The following CARD10 variants were observed in gnomAD, a reference collection of about 807,000 sequenced individuals.
CARD10 encodes the protein caspase recruitment domain-containing protein 10.
CARD10 carries 49 observed loss-of-function variants against 114.6 expected under a neutral mutation model. That is an observed-to-expected ratio of 0.43 (90% confidence interval 0.34 to 0.54). The LOEUF is 0.54. CARD10 is among the 20% of genes least tolerant of loss of function. The pLI is 0.03. For synonymous variants in CARD10, 602 were observed against 593.2 expected, an observed-to-expected ratio of 1.01 and a Z score of -0.21; for missense variants, 1,206 against 1,397.2, an observed-to-expected ratio of 0.86 and a Z score of 2.18.
Position 37,501,147 on chromosome 22 carries a change from T to TTC in CARD10, c.1787+1453_1787+1454dup, listed in dbSNP as rs904988741. Among the ~76,000 whole-genome samples the TTC allele has an allele frequency of 6.6e-5, 10 of 150,602 alleles. No individual in the cohort carries two copies. Among genetic ancestry groups the TTC allele is most frequent in the African/African-American group, 1.9e-4 (8 of 41,176 alleles). On this transcript the variant is annotated intron_variant, in intron 11 of 19. Transcript: ENST00000251973. This position sits in a 1 kb window ranked among gnomAD's most constrained non-coding sequence, Gnocchi z 5.4. ...CGCCTGTCTGCCTCTCTCTCTCTCT[T>TTC]TCTCTCTCTCTCTCTGTCCACCACC...
chr22:37,497,001 C>T lies in CARD10; in HGVS notation c.1947+18G>A, dbSNP rs1387585357. 1.9e-6 allele frequency: 3 copies of T among 1,593,286 alleles called. No homozygotes were observed. The highest frequency in any genetic ancestry group is 2.7e-5 in the African/African-American group (2 of 74,132). Reference sequence around the variant, plus strand: ...AAGCACTGACCCTACCCCCCCAGCTCAGGAGGCAGGGCCTCACCTCTCTTG... The same window carrying T: ...AAGCACTGACCCTACCCCCCCAGCTTAGGAGGCAGGGCCTCACCTCTCTTG... On this transcript the variant is annotated intron_variant, in intron 12 of 19. Coordinates refer to ENST00000251973, the MANE Select transcript of CARD10 (RefSeq NM_014550.4).
Position 37,510,377 on chromosome 22 carries a change from A to G in CARD10, c.744T>C (p.Cys248=), listed in dbSNP as rs1923595784. The G allele has an allele frequency of 6.2e-7, 1 of 1,613,508 alleles. No individual in the cohort carries two copies. The highest frequency in any genetic ancestry group is 1.3e-5 in the African/African-American group (1 of 74,978). ...GGCCCCTGGCCCTTCGAAGCAGTGC[A>G]CACTCTTCCTCCAGCCGACTCACTT... ...KLKVSRLEEE[C]ALLRRARGPP... is the part of the protein sequence containing the mutation. The change falls in exon 4 of 20, where the codon TGT becomes TGC. Residue 248 remains cysteine, a synonymous_variant. Transcript: ENST00000251973.
rs769123893 is a variant in CARD10 at position 37,504,190 on chromosome 22, T to C, written c.1630A>G (p.Lys544Glu). ...RQREEDPAPP[K>E]RSFSSMSDIT... ...TGCTATCCCCAGCCATCTCACCTCT[T>C]AGGGGGTGCGGGGTCTTCCTCACGC... Residue 544 changes from lysine (K) to glutamate (E), a missense_variant, in exon 9 of 20, where the codon AAG (lysine) becomes GAG (glutamate). Physicochemically the swap from Lys to Glu is moderately conservative, Grantham distance 56. Coordinates refer to ENST00000251973, the MANE Select transcript of CARD10 (RefSeq NM_014550.4). The C allele has an allele frequency of 1.3e-6, 2 of 1,555,484 alleles. No homozygotes were observed. The highest frequency in any genetic ancestry group is 1.4e-5 in the African/African-American group (1 of 73,572).
At position 37,501,076 on chromosome 22, in the gene CARD10, G is replaced by A. The variant is rs114212235; in HGVS notation, c.1787+1526C>T. On this transcript the variant is annotated intron_variant, in intron 11 of 19. Coordinates refer to ENST00000251973, the MANE Select transcript of CARD10 (RefSeq NM_014550.4). The surrounding 1 kb of genome is among the most constrained non-coding windows in gnomAD (Gnocchi z 5.4). The stretch of plus-strand genomic sequence containing the variant: ...TCCCAGGAGACACACAAGTTGCCCC[G>A]ACCTGGGACCTGTCCGGGCCCTCAT... Among the ~76,000 whole-genome samples, 2,696 of 152,088 alleles carry A rather than the reference G, an allele frequency of 0.018. 102 individuals carry two copies. The highest frequency in any genetic ancestry group is 0.062 in the African/African-American group (2,583 of 41,470).
chr22:37,512,067 A>G (rs1343404986), intron 3 of CARD10: 1 of 152,238 alleles, frequency 6.6e-6, no homozygotes, highest in Non-Finnish European at 1.5e-5. Context: ...CAGAGCTGCC[A>G]CAGTGTGACC....
chr22:37,511,649 G>T (rs1023261664), intron 3 of CARD10, among the ~76,000 whole-genome samples: 5 of 151,890 alleles, frequency 3.3e-5, no homozygotes, highest in Non-Finnish European at 7.4e-5. Context: ...GTACGGGGGG[G>T]GTGTGAGGGG....
chr22:37,513,457 G>A (rs577663767), intron 3 of CARD10, among the ~76,000 whole-genome samples: 7 of 152,218 alleles, frequency 4.6e-5, no homozygotes, highest in African/African-American at 1.2e-4. Context: ...GCCACTCTGC[G>A]TAGAGGCAGA....
chr22:37,496,067 G>A lies in CARD10; in HGVS notation c.2060-64C>T, dbSNP rs1028530009. The stretch of plus-strand genomic sequence containing the variant: ...GAGGAGGATGGTGAGGTCCAGGATC[G>A]GCCTTGGTGGGGCCAAAGACATGGC... On this transcript the variant is annotated intron_variant, in intron 13 of 19. Coordinates refer to ENST00000251973, the MANE Select transcript of CARD10 (RefSeq NM_014550.4). The surrounding 1 kb of genome is among the most constrained non-coding windows in gnomAD (Gnocchi z 4.1). 10 of 1,584,108 alleles carry A rather than the reference G, an allele frequency of 6.3e-6. No individual in the cohort carries two copies. The highest frequency in any genetic ancestry group is 3.4e-5 in the South Asian group (3 of 87,794).
chr22:37,503,499 C>A (rs1372379637), intron 9 of CARD10, among the ~76,000 whole-genome samples: 1 of 152,128 alleles, frequency 6.6e-6, no homozygotes, highest in Admixed American at 6.5e-5. Context: ...CTCCTGGAAG[C>A]CACCCCTGAT....
chr22:37,508,794 G>T, intron 4 of CARD10, 112 bp from the exon 5 acceptor site: 1 of 1,292,752 alleles, frequency 7.7e-7, no homozygotes, highest in Non-Finnish European at 1.1e-6. Context: ...GACCAGCTCT[G>T]CCATGCTGGC....
At chr22:37,506,843 T>C (rs1458220248) in intron 6 of CARD10, among the ~76,000 whole-genome samples, 1 of 152,200 alleles carries the variant, frequency 6.6e-6, no homozygotes, top group Non-Finnish European at 1.5e-5. Context: ...CTGTCACCCA[T>C]GCCTCAGAGA....
rs1220307990 is a variant in CARD10 at position 37,490,967 on chromosome 22, G to A, written c.*192C>T. 1 of 585,474 alleles carries A rather than the reference G, an allele frequency of 1.7e-6. No homozygotes were observed. Among genetic ancestry groups the A allele is most frequent in the East Asian group, 2.9e-5 (1 of 35,066 alleles). The allele number at this position is 585,474 out of a possible 1,614,324, so 36.3% of individuals were successfully genotyped here. ...CCCAGAGCAGCAAGTAGAGGGGAGTGGGCACTCTGTCCCGGGACTCCCATA... is the reference window on the plus strand; with the variant it reads ...CCCAGAGCAGCAAGTAGAGGGGAGTAGGCACTCTGTCCCGGGACTCCCATA... On this transcript the variant is annotated 3_prime_UTR_variant, in exon 20 of 20. Transcript: ENST00000251973.
In CARD10 at chr22:37,492,608, G is replaced by A. The variant is rs1922843950; in HGVS notation, c.2635+36C>T. ...ATCCATGGGCCCGGCTGCCCAGAGG[G>A]GCACCCAGCCTCCCCTCCCCGGCAC... On this transcript the variant is annotated intron_variant, in intron 17 of 19. Coordinates refer to ENST00000251973, the MANE Select transcript of CARD10 (RefSeq NM_014550.4). The surrounding 1 kb of genome is among the most constrained non-coding windows in gnomAD (Gnocchi z 5.7). 1 of 1,610,052 alleles carries A rather than the reference G, an allele frequency of 6.2e-7. No individual in the cohort carries two copies. Among genetic ancestry groups the A allele is most frequent in the Non-Finnish European group, 8.5e-7 (1 of 1,178,148 alleles).
At chr22:37,500,216 C>T (rs1376034813) in intron 11 of CARD10, among the ~76,000 whole-genome samples, 2 of 152,218 alleles carry the variant, frequency 1.3e-5, no homozygotes, top group Non-Finnish European at 2.9e-5. Context: ...GGAAAGTTAA[C>T]TTGCCAAGAA....
At chr22:37,497,291 C>T (rs898737490) in intron 11 of CARD10, 113 bp from the exon 12 acceptor site, 2 of 1,057,130 alleles carry the variant, frequency 1.9e-6, no homozygotes. Context: ...TGACTCCCAC[C>T]CCCAGGCCTC....
rs1235078533 is a variant in CARD10, at chr22:37,504,506, T to G, written c.1518+129A>C. The G allele has an allele frequency of 2.2e-6, 3 of 1,393,630 alleles. No individual in the cohort carries two copies. In the African/African-American group the frequency reaches 4.3e-5, roughly 20 times the overall value. 86.3% of individuals were successfully genotyped at this position (1,393,630 alleles called of 1,614,324 possible). ...GGAAATGGTTCTGGGTGAGCTTCAGTAAAGTACTTGGCCTCCCTGCGCCTC... is the reference window on the plus strand; with the variant it reads ...GGAAATGGTTCTGGGTGAGCTTCAGGAAAGTACTTGGCCTCCCTGCGCCTC... On this transcript the variant is annotated intron_variant, in intron 8 of 19. Transcript: ENST00000251973.
At position 37,508,566 on chromosome 22, in the gene CARD10, C is replaced by T. The variant is rs1569166081; in HGVS notation, c.1026G>A (p.Val342=). ...CCTCGGCCCACTGCAGCTCCCCCTG[C>T]ACGGCATGCAGCTTCTGGCACAGCT... ...RQELCQKLHA[V]QGELQWAEEL... Residue 342 remains valine, a synonymous_variant, in exon 5 of 20, where the codon GTG becomes GTA. Transcript: ENST00000251973. 6.3e-7 allele frequency: 1 copy of T among 1,597,846 alleles called. No individual in the cohort carries two copies. The highest frequency in any genetic ancestry group is 8.5e-7 in the Non-Finnish European group (1 of 1,178,002).
At chr22:37,515,835 T>G (rs1923826391) in intron 3 of CARD10, 138 bp downstream of exon 3, 1 of 648,794 alleles carries the variant, frequency 1.5e-6, no homozygotes, top group Non-Finnish European at 2.6e-6. Context: ...CCCAATGAAG[T>G]AGGTACACCG....
At chr22:37,493,006 A>G (rs1922863051) in intron 16 of CARD10, among the ~76,000 whole-genome samples, 1 of 152,054 alleles carries the variant, frequency 6.6e-6, no homozygotes, top group Admixed American at 6.5e-5. Flanking sequence ...CCTGCCCCCT[A>G]CGGGTCATTC....
Sources: allele counts gnomAD v4.1 joint callset (sites outside exome capture counted in the v4.1 genomes callset), GRCh38; gene constraint gnomAD v4.1.1; non-coding constraint Gnocchi (gnomAD v3.1); transcripts MANE v1.5; gene names NCBI Gene and HGNC (gene_info 2026-07-23, HGNC 2026-07-21).